Variants in BBX observed in about 807,000 individuals in gnomAD.
BBX encodes the protein HMG box transcription factor BBX.
A neutral mutation model predicts 100.2 loss-of-function variants in BBX; 30 were observed. The observed-to-expected ratio is 0.30, with a 90% CI of 0.22 to 0.41. BBX has a LOEUF of 0.41. Ranked by LOEUF, BBX falls within the 10% of genes least tolerant of loss-of-function variation. The pLI, the probability that BBX is intolerant of heterozygous loss-of-function variation, is 1.00. For synonymous variants in BBX, 376 were observed against 388.1 expected (o/e 0.97, Z 0.37); for missense variants, 1,023 against 1,129.8 (o/e 0.91, Z 1.35).
chr3:107,553,088 T>C (rs1395143008), intron 2 of BBX, among the ~76,000 whole-genome samples: 1 of 152,182 alleles, frequency 6.6e-6, no homozygotes, highest in Non-Finnish European at 1.5e-5. Context: ...GTTTGAATGG[T>C]TTGGTCAGTA....
chr3:107,681,145 C>A (rs1369914463), intron 3 of BBX, among the ~76,000 whole-genome samples: 2 of 152,052 alleles, frequency 1.3e-5, no homozygotes, highest in Admixed American at 6.6e-5. Flanking sequence ...TATAAGTAAT[C>A]AACACAAATA....
intron 17 of BBX, among the ~76,000 whole-genome samples, chr3:107,801,666 T>C (rs2070488937): frequency 2.0e-5 from 3 of 152,026 alleles, no homozygotes; most frequent in Admixed American, 1.3e-4. Context: ...TTGGTTTTTT[T>C]CCTCTAAAAA....
intron 7 of BBX, among the ~76,000 whole-genome samples, chr3:107,740,285 C>T (rs1391501588): frequency 1.3e-5 from 2 of 151,954 alleles, no homozygotes; most frequent in Non-Finnish European, 2.9e-5. Flanking sequence ...TCCAAACCTC[C>T]TTCCATCTCT....
chr3:107,621,655 G>A (rs959434397), intron 2 of BBX, among the ~76,000 whole-genome samples: 1 of 152,178 alleles, frequency 6.6e-6, no homozygotes, highest in Non-Finnish European at 1.5e-5. Flanking sequence ...CTGGTGACAG[G>A]CAGTGACATA....
chr3:107,651,375 G>C (rs1292403996), intron 3 of BBX, among the ~76,000 whole-genome samples: 2 of 152,002 alleles, frequency 1.3e-5, no homozygotes, highest in Admixed American at 6.6e-5. Flanking sequence ...ATGAAAATAA[G>C]GTTCTTACAA....
chr3:107,563,689 C>T (rs749662993), intron 2 of BBX, among the ~76,000 whole-genome samples: 14 of 152,076 alleles, frequency 9.2e-5, no homozygotes, highest in African/African-American at 1.4e-4. Context: ...AAATAGGAAA[C>T]ATTTTTATTG....
chr3:107,776,943 C>T (rs1192413659), intron 12 of BBX, among the ~76,000 whole-genome samples: 1 of 152,158 alleles, frequency 6.6e-6, no homozygotes, highest in Non-Finnish European at 1.5e-5. Context: ...ATCACCTCCA[C>T]CCGTTACCCT....
At chr3:107,753,785 T>C (rs1265534554) in intron 9 of BBX, among the ~76,000 whole-genome samples, 1 of 152,222 alleles carries the variant, frequency 6.6e-6, no homozygotes, top group Non-Finnish European at 1.5e-5. Flanking sequence ...CAGTAATTCT[T>C]GAGCATGTCA....
At chr3:107,606,897 C>A (rs1434384062) in intron 2 of BBX, among the ~76,000 whole-genome samples, 1 of 152,050 alleles carries the variant, frequency 6.6e-6, no homozygotes, top group Non-Finnish European at 1.5e-5. Context: ...TTCCTTATAA[C>A]GACTTTTTTA....
At chr3:107,576,899 T>C (rs1348010623) in intron 2 of BBX, among the ~76,000 whole-genome samples, 2 of 152,136 alleles carry the variant, frequency 1.3e-5, no homozygotes, top group African/African-American at 4.8e-5. Context: ...TCTCACTCTG[T>C]CTCCAGGCTG....
intron 2 of BBX, among the ~76,000 whole-genome samples, chr3:107,568,014 A>AT (rs1373210540): frequency 1.3e-5 from 2 of 151,132 alleles, no homozygotes; most frequent in Non-Finnish European, 2.9e-5. Flanking sequence ...TCTCAGGTTG[A>AT]TTAAAAAAAA....
intron 6 of BBX, among the ~76,000 whole-genome samples, chr3:107,731,466 A>G (rs1259760844): frequency 4.6e-5 from 7 of 152,122 alleles, no homozygotes; most frequent in Non-Finnish European, 1.5e-5. Flanking sequence ...TTCAACAGCC[A>G]TAGTATTTCT....
intron 5 of BBX, among the ~76,000 whole-genome samples, chr3:107,720,157 T>C (rs1235707002): frequency 6.6e-6 from 1 of 152,014 alleles, no homozygotes; most frequent in East Asian, 1.9e-4. Flanking sequence ...AATCTAAGGC[T>C]CTGAAGGAGT....
chr3:107,593,899 C>T (rs1216279392), intron 2 of BBX, among the ~76,000 whole-genome samples: 4 of 152,174 alleles, frequency 2.6e-5, no homozygotes, highest in Admixed American at 2.6e-4. Flanking sequence ...CCAGAAATAA[C>T]ATTGCATGCA....
At chr3:107,751,846 A>G (rs2065102466) in intron 9 of BBX, among the ~76,000 whole-genome samples, 1 of 152,046 alleles carries the variant, frequency 6.6e-6, no homozygotes, top group South Asian at 2.1e-4. Context: ...AGTGCCATCT[A>G]CTCTGTGTTT....
intron 10 of BBX, among the ~76,000 whole-genome samples, chr3:107,771,576 TG>T (rs2107779116): frequency 6.6e-6 from 1 of 152,352 alleles, no homozygotes; most frequent in South Asian, 2.1e-4. Flanking sequence ...AAAGTATGAA[TG>T]GTCACAGTAA....
chr3:107,550,123 G>A (rs556334992), intron 2 of BBX, among the ~76,000 whole-genome samples: 1 of 152,142 alleles, frequency 6.6e-6, no homozygotes, highest in South Asian at 2.1e-4. Flanking sequence ...GATAAGGATA[G>A]GTAAGATACA....
intron 2 of BBX, among the ~76,000 whole-genome samples, chr3:107,638,790 C>T (rs1576120040): frequency 6.9e-5 from 2 of 29,122 alleles, no homozygotes; most frequent in South Asian, 1.3e-3. Flanking sequence ...TACACACACA[C>T]ACACACACAC....
At position 107,805,433 on chromosome 3, in the gene BBX, A is replaced by G. The variant is rs1402944633; in HGVS notation, c.2802A>G (p.Val934=). ...CAAAAGAAATGCCGCAGGCTCCTGT[A>G]CTTATTTCCTGCGCTGACCAGTGAA... The part of the protein sequence containing the change: ...GQPKEMPQAP[V]LISCADQ The change falls in exon 18 of 18, where the codon GTA becomes GTG. Residue 934 remains valine (V), a synonymous_variant. Coordinates refer to ENST00000325805, the MANE Select transcript of BBX (RefSeq NM_001142568.3). The G allele has an allele frequency of 2.5e-6, 4 of 1,614,152 alleles. No homozygotes were observed. Among genetic ancestry groups the G allele is most frequent in the Non-Finnish European group, 1.7e-6 (2 of 1,179,996 alleles).
Sources: gnomAD v4.1 joint callset for allele counts (sites outside exome capture counted in the v4.1 genomes callset) on GRCh38, gnomAD v4.1.1 for gene constraint, MANE v1.5 for transcripts, NCBI Gene and HGNC (gene_info 2026-07-23, HGNC 2026-07-21) for gene names.